GLIS3: variants seen among roughly 807,000 people sequenced by gnomAD.
The protein encoded by GLIS3 is GLIS family zinc finger 3, also known as zinc finger protein GLIS3.
In GLIS3, 53 loss-of-function variants were observed where a neutral mutation model predicts 78.6. The observed-to-expected ratio is 0.67, with a 90% confidence interval of 0.54 to 0.85. GLIS3 has a LOEUF of 0.85. Ranked by LOEUF, GLIS3 falls within the 40% of genes least tolerant of loss-of-function variation. The probability of loss-of-function intolerance (pLI) is 0.00; values close to 1 mark genes in which losing one functional copy is unlikely to be tolerated. For missense variants in GLIS3, 1,703 were observed against 1,231.1 expected (o/e 1.38, Z -5.74); for synonymous variants, 684 against 509.9 (o/e 1.34, Z -4.60).
the GLIS3 span, among the ~76,000 whole-genome samples, chr9:4,394,482 G>C: frequency 6.6e-6 from 1 of 152,082 alleles, no homozygotes; most frequent in African/African-American, 2.4e-5. Flanking sequence ...TATGGTTGCA[G>C]TTCTTGAACA....
At chr9:4,248,436 TG>T (rs1370534877) in intron 2 of GLIS3, among the ~76,000 whole-genome samples, 2 of 152,230 alleles carry the variant, frequency 1.3e-5, no homozygotes, top group Non-Finnish European at 1.5e-5. Context: ...TTTTTATGGC[TG>T]CATAGTATTC....
intron 2 of GLIS3, among the ~76,000 whole-genome samples, chr9:4,205,146 A>C (rs10814880): frequency 0.33 from 48,273 of 147,548 alleles, 8,016 homozygotes; most frequent in East Asian, 0.37. Context: ...ACTGCACTCC[A>C]GTCCCTGGGT....
intron 2 of GLIS3, among the ~76,000 whole-genome samples, chr9:4,131,860 T>C (rs1225948907): frequency 1.3e-5 from 2 of 152,166 alleles, no homozygotes; most frequent in African/African-American, 4.8e-5. Context: ...TTAATGGATG[T>C]TAACTGCTAC....
intron 2 of GLIS3, among the ~76,000 whole-genome samples, chr9:4,149,341 G>C (rs1481765872): frequency 6.6e-6 from 1 of 152,158 alleles, no homozygotes; most frequent in African/African-American, 2.4e-5. Flanking sequence ...AACCTGCTAA[G>C]AGTGAGTATT....
intron 7 of GLIS3, among the ~76,000 whole-genome samples, chr9:3,881,796 G>C (rs978004720): frequency 2.6e-5 from 4 of 152,096 alleles, no homozygotes; most frequent in African/African-American, 9.7e-5. Context: ...TTTAATGAAG[G>C]GAGCAGACCT....
the GLIS3 span, among the ~76,000 whole-genome samples, chr9:4,404,060 A>G: frequency 2.0e-5 from 3 of 152,218 alleles, no homozygotes; most frequent in African/African-American, 7.2e-5. Flanking sequence ...AAACCAAAGA[A>G]GAGTAGGAGT....
intron 2 of GLIS3, among the ~76,000 whole-genome samples, chr9:4,193,868 C>T (rs932696702): frequency 3.9e-5 from 6 of 152,236 alleles, no homozygotes; most frequent in African/African-American, 1.4e-4. Flanking sequence ...TTTCATGTGC[C>T]AAATATGGAC....
intron 2 of GLIS3, among the ~76,000 whole-genome samples, chr9:4,243,961 A>C (rs957389969): frequency 9.2e-5 from 14 of 152,210 alleles, no homozygotes; most frequent in Admixed American, 3.9e-4. Flanking sequence ...CAACAAAATG[A>C]ACTTCTTTCC....
At chr9:4,311,419 CTAAA>C (rs1308567987) in intron 2 of GLIS3, among the ~76,000 whole-genome samples, 3 of 152,146 alleles carry the variant, frequency 2.0e-5, no homozygotes, top group South Asian at 2.1e-4. Context: ...AAAAAAGTAA[CTAAA>C]TAAAGTGTTT....
intron 2 of GLIS3, among the ~76,000 whole-genome samples, chr9:4,233,097 T>C (rs1822416930): frequency 6.6e-6 from 1 of 152,184 alleles, no homozygotes; most frequent in Non-Finnish European, 1.5e-5. Context: ...ATACCAACGA[T>C]ACAAATACAA....
chr9:4,362,383 T>C, the GLIS3 span, among the ~76,000 whole-genome samples: 1 of 152,232 alleles, frequency 6.6e-6, no homozygotes, highest in Non-Finnish European at 1.5e-5. Context: ...TGCTGTATCA[T>C]TGATGTAGTA....
chr9:3,892,657 C>A (rs1419256683), intron 7 of GLIS3, among the ~76,000 whole-genome samples: 1 of 152,004 alleles, frequency 6.6e-6, no homozygotes, highest in East Asian at 1.9e-4. Context: ...GCTACAAACA[C>A]CCTGAATAGG....
chr9:4,378,103 T>C, the GLIS3 span, among the ~76,000 whole-genome samples: 1 of 152,148 alleles, frequency 6.6e-6, no homozygotes, highest in Admixed American at 6.6e-5. Flanking sequence ...ACTTTGGAGA[T>C]AGTAAAGTAA....
chr9:4,064,133 G>C (rs1011022470), intron 4 of GLIS3, among the ~76,000 whole-genome samples: 1 of 150,890 alleles, frequency 6.6e-6, no homozygotes, highest in African/African-American at 2.4e-5. Flanking sequence ...GTATCATATT[G>C]TCTCAATAGG....
At chr9:4,047,987 T>C (rs1195364089) in intron 4 of GLIS3, among the ~76,000 whole-genome samples, 1 of 152,096 alleles carries the variant, frequency 6.6e-6, no homozygotes, top group African/African-American at 2.4e-5. Context: ...TTTCCAACAA[T>C]CTCTGGGTAA....
At chr9:3,939,232 A>G (rs896144439) in intron 4 of GLIS3, among the ~76,000 whole-genome samples, 2 of 152,174 alleles carry the variant, frequency 1.3e-5, no homozygotes. Context: ...CCAGGATGAG[A>G]GCGGAGAACT....
At chr9:3,884,883 A>T (rs1031194933) in intron 7 of GLIS3, among the ~76,000 whole-genome samples, 1 of 152,156 alleles carries the variant, frequency 6.6e-6, no homozygotes. Context: ...GAAAACACAT[A>T]AAAGTGTTGT....
chr9:4,037,246 G>T (rs186564983), intron 4 of GLIS3, among the ~76,000 whole-genome samples: 10 of 152,110 alleles, frequency 6.6e-5, no homozygotes, highest in Non-Finnish European at 1.3e-4. Context: ...TAGCACAGGA[G>T]CCTAGCACGG....
intron 4 of GLIS3, among the ~76,000 whole-genome samples, chr9:4,083,833 C>T (rs1396446099): frequency 6.6e-6 from 1 of 152,170 alleles, no homozygotes; most frequent in Non-Finnish European, 1.5e-5. Context: ...AGTACTCTTG[C>T]CCTATGTACC....
Sources: gnomAD v4.1 joint callset for allele counts (sites outside exome capture counted in the v4.1 genomes callset) on GRCh38, gnomAD v4.1.1 for gene constraint, MANE v1.5 for transcripts, NCBI Gene and HGNC (gene_info 2026-07-23, HGNC 2026-07-21) for gene names.